Variants in SPCS3 observed in about 807,000 individuals in gnomAD.
SPCS3 encodes signal peptidase complex subunit 3, also known as SPase 22 kDa subunit.
Under a neutral mutation model 17.2 loss-of-function variants are expected in SPCS3, and 9 were observed. The ratio of observed to expected loss-of-function variants is 0.52; its 90% confidence interval spans 0.31 to 0.91. The LOEUF (loss-of-function observed/expected upper bound fraction) is 0.91, where lower values mean the gene tolerates loss of function less well. SPCS3 is among the 40% of genes least tolerant of loss of function. The pLI, the probability that SPCS3 is intolerant of heterozygous loss-of-function variation, is 0.04. For missense variants in SPCS3, 139 were observed against 217.5 expected (o/e 0.64, Z 2.27); for synonymous variants, 87 against 89.6 (o/e 0.97, Z 0.16).
In SPCS3 at chr4:176,331,848, CAA is replaced by C. The variant is rs1457833932; in HGVS notation, c.*3520_*3521del. The C allele has an allele frequency of 1.3e-5, 2 of 152,168 alleles. No individual in the cohort carries two copies. The highest frequency in any genetic ancestry group is 2.4e-5 in the African/African-American group (1 of 41,434). The allele number at this position is 152,168 out of a possible 1,614,324, so 9.4% of individuals were successfully genotyped here. A position where few individuals can be genotyped will look rare whatever the true frequency, so the allele number is the denominator to read the frequency against. On this transcript the variant is annotated 3_prime_UTR_variant, in exon 5 of 5. Transcript: ENST00000503362. ...AAGTGATCCACCTGCCTCGGCCTCCCAAAGTGTTAGGATAACAGGTGTGAGCC... is the reference window on the plus strand; with the variant it reads ...AAGTGATCCACCTGCCTCGGCCTCCCAGTGTTAGGATAACAGGTGTGAGCC...
Position 176,327,209 on chromosome 4 carries a change from T to G in SPCS3, c.342T>G (p.Asp114Glu), listed in dbSNP as rs557779319. 6.2e-7 allele frequency: 1 copy of G among 1,600,494 alleles called. No homozygotes were observed. The highest frequency in any genetic ancestry group is 8.5e-7 in the Non-Finnish European group (1 of 1,173,770). The change falls in exon 4 of 5, where the codon GAT (aspartate) becomes GAG (glutamate). Residue 114 changes from aspartate (D) to glutamate (E), a missense_variant. Transcript: ENST00000503362. ...VLWDKIVLRGDNPKLLLKDMK... is the reference protein window; with the variant it reads ...VLWDKIVLRGENPKLLLKDMK... ...GGGACAAGATTGTTTTGAGAGGTGA[T>G]AATCCGAAGCTGCTGCTGAAAGATA...
chr4:176,328,267 G>C lies in SPCS3; in HGVS notation c.480G>C (p.Val160=). 1 of 1,613,176 alleles carries C rather than the reference G, an allele frequency of 6.2e-7. No individual in the cohort carries two copies. Among genetic ancestry groups the C allele is most frequent in the East Asian group, 2.2e-5 (1 of 44,838 alleles). The change falls in exon 5 of 5, where the codon GTG becomes GTC. Residue 160 remains valine, a synonymous_variant. Transcript: ENST00000503362. ...VVPNAGILPL[V]TGSGHVSVPF... is the part of the protein sequence containing the mutation. ...CAAATGCTGGAATTCTACCTCTTGT[G>C]ACAGGATCAGGACACGTATCTGTCC...
chr4:176,327,064 A>G (rs999716565), intron 3 of SPCS3, 98 bp from the exon 4 acceptor site: 1 of 686,750 alleles, frequency 1.5e-6, no homozygotes, highest in Non-Finnish European at 2.4e-6. Context: ...AGTTGAATTC[A>G]TTAACATGTC....
Position 176,320,019 on chromosome 4 carries a change from C to G in SPCS3, c.-58C>G. 7.0e-7 allele frequency: 1 copy of G among 1,438,278 alleles called. No homozygotes were observed. Among genetic ancestry groups the G allele is most frequent in the Non-Finnish European group, 9.3e-7 (1 of 1,081,070 alleles). The allele number at this position is 1,438,278 out of a possible 1,614,324, so 89.1% of individuals were successfully genotyped here. On this transcript the variant is annotated 5_prime_UTR_variant, in exon 1 of 5. Transcript: ENST00000503362. ...CGCGGATCGCAGGGAGCCGGTCCGC[C>G]GCCGGAACGGGAGCCTGGGTGTGCG...
rs55821823 is a variant in SPCS3 at position 176,328,436 on chromosome 4, GTTTTTTTT to G, written c.*118_*125del. ...TTGTTGGTTTGTTTTTTGGTTTTGG[GTTTTTTTT>G]TTTTTTTTTTTGGTATAAGAACTAA... On this transcript the variant is annotated 3_prime_UTR_variant, in exon 5 of 5. Coordinates refer to ENST00000503362, the MANE Select transcript of SPCS3 (RefSeq NM_021928.4). The G allele has an allele frequency of 5.4e-3, 2,557 of 473,642 alleles. 1 individual carries two copies. Among genetic ancestry groups the G allele is most frequent in the Middle Eastern group, 0.015 (22 of 1,474 alleles). 29.3% of individuals were successfully genotyped at this position (473,642 alleles called of 1,614,324 possible).
chr4:176,327,777 G>A (rs1235362582), intron 4 of SPCS3, among the ~76,000 whole-genome samples: 1 of 152,116 alleles, frequency 6.6e-6, no homozygotes, highest in African/African-American at 2.4e-5. Flanking sequence ...AAGCTATTTC[G>A]ACCAAGCCAA....
chr4:176,328,436 G>GTTTTTT lies in SPCS3; in HGVS notation c.*120_*125dup, dbSNP rs55821823. 7 of 475,024 alleles carry GTTTTTT rather than the reference G, an allele frequency of 1.5e-5. 1 individual carries two copies. Among genetic ancestry groups the GTTTTTT allele is most frequent in the Non-Finnish European group, 1.5e-5 (5 of 331,526 alleles). 29.4% of individuals were successfully genotyped at this position (475,024 alleles called of 1,614,324 possible). ...TTGTTGGTTTGTTTTTTGGTTTTGG[G>GTTTTTT]TTTTTTTTTTTTTTTTTTTGGTATA... On this transcript the variant is annotated 3_prime_UTR_variant, in exon 5 of 5. Transcript: ENST00000503362.
Position 176,331,241 on chromosome 4 carries a change from C to T in SPCS3, c.*2911C>T, listed in dbSNP as rs1450320595. ...CATTTTTCACTATTTTTTTTTCTAT[C>T]TGAAGCTTAGAGATCTAGAGCTTTG... is the stretch of plus-strand genomic sequence containing the variant. On this transcript the variant is annotated 3_prime_UTR_variant, in exon 5 of 5. Transcript: ENST00000503362. 1.3e-5 allele frequency: 2 copies of T among 151,676 alleles called. No homozygotes were observed. The highest frequency in any genetic ancestry group is 2.9e-5 in the Non-Finnish European group (2 of 67,942). 9.4% of individuals were successfully genotyped at this position (151,676 alleles called of 1,614,324 possible). A position where few individuals can be genotyped will look rare whatever the true frequency, so the allele number is the denominator to read the frequency against.
rs114898129 is a variant in SPCS3 at position 176,324,348 on chromosome 4, G to C, written c.294+91G>C. Reference sequence around the variant, plus strand: ...ACATTTTTATATATTTAAAATATCTGACCTGAGTTACCTAGCAAAACATCA... The same window carrying C: ...ACATTTTTATATATTTAAAATATCTCACCTGAGTTACCTAGCAAAACATCA... On this transcript the variant is annotated intron_variant, in intron 3 of 4. Coordinates refer to ENST00000503362, the MANE Select transcript of SPCS3 (RefSeq NM_021928.4). 492 of 609,924 alleles carry C rather than the reference G, an allele frequency of 8.1e-4. 1 individual carries two copies. The African/African-American group carries it at 9.0e-3, about 11-fold the overall frequency. 37.8% of individuals were successfully genotyped at this position (609,924 alleles called of 1,614,324 possible).
rs2127003627 is a variant in SPCS3 at position 176,331,415 on chromosome 4, A to T, written c.*3085A>T. 6.6e-6 allele frequency: 1 copy of T among 152,274 alleles called. No homozygotes were observed. Among genetic ancestry groups the T allele is most frequent in the Middle Eastern group, 3.4e-3 (1 of 294 alleles). The allele number at this position is 152,274 out of a possible 1,614,324, so 9.4% of individuals were successfully genotyped here. On this transcript the variant is annotated 3_prime_UTR_variant, in exon 5 of 5. Transcript: ENST00000503362. Reference sequence around the variant, plus strand: ...AAAACTTTCCTTGCTTTTAGCAGAGAGAAGCCTGTATATGTTACATGTGTG... The same window carrying T: ...AAAACTTTCCTTGCTTTTAGCAGAGTGAAGCCTGTATATGTTACATGTGTG...
Position 176,325,628 on chromosome 4 carries a change from CAATT to C in SPCS3, c.294+1379_294+1382del, listed in dbSNP as rs1221567742. Among the ~76,000 whole-genome samples, 10 of 151,092 alleles carry C rather than the reference CAATT, an allele frequency of 6.6e-5. No individual in the cohort carries two copies. The East Asian group carries it at 1.8e-3, about 26-fold the overall frequency. On this transcript the variant is annotated intron_variant, in intron 3 of 4. Coordinates refer to ENST00000503362, the MANE Select transcript of SPCS3 (RefSeq NM_021928.4). Reference sequence around the variant, plus strand: ...TAGTCTACATTAAGCCATATAGCTACAATTAATTAATATCCTTACCTATTGAGAA... The same window carrying C: ...TAGTCTACATTAAGCCATATAGCTACAATTAATATCCTTACCTATTGAGAA...
intron 1 of SPCS3, chr4:176,321,617 CAAT>C (rs1731539900): frequency 6.6e-6 from 1 of 152,154 alleles, no homozygotes; most frequent in Admixed American, 6.5e-5. Context: ...AAGTTAAGCA[CAAT>C]AAGAGATTAA....
In SPCS3 at chr4:176,331,326, G is replaced by T. The variant is rs532598697; in HGVS notation, c.*2996G>T. The T allele has an allele frequency of 6.6e-6, 1 of 152,222 alleles. No homozygotes were observed. The highest frequency in any genetic ancestry group is 1.9e-4 in the East Asian group (1 of 5,182). The allele number at this position is 152,222 out of a possible 1,614,324, so 9.4% of individuals were successfully genotyped here. Reference sequence around the variant, plus strand: ...TTATAATACTTTGCATTGACATGAAGTGGGTTCATGGGGGAAAACCATGAG... The same window carrying T: ...TTATAATACTTTGCATTGACATGAATTGGGTTCATGGGGGAAAACCATGAG... On this transcript the variant is annotated 3_prime_UTR_variant, in exon 5 of 5. Coordinates refer to ENST00000503362, the MANE Select transcript of SPCS3 (RefSeq NM_021928.4).
At chr4:176,325,101 G>C (rs952877996) in intron 3 of SPCS3, among the ~76,000 whole-genome samples, 1 of 149,374 alleles carries the variant, frequency 6.7e-6, no homozygotes, top group Non-Finnish European at 1.5e-5. Flanking sequence ...GCCCGGGCTG[G>C]AGTACAGTAG....
rs770230048 is a variant in SPCS3, at chr4:176,323,523, G to T, written c.218-658G>T. On this transcript the variant is annotated intron_variant, in intron 2 of 4. Transcript: ENST00000503362. Reference sequence around the variant, plus strand: ...AGTGTGGAAACTCATATAGTAAAATGAGTTAACTTAACAATTAACATAATA... The same window carrying T: ...AGTGTGGAAACTCATATAGTAAAATTAGTTAACTTAACAATTAACATAATA... 4.1e-4 allele frequency among the ~76,000 whole-genome samples: 62 copies of T among 152,104 alleles called. 1 individual carries two copies. Among genetic ancestry groups the T allele is most frequent in the South Asian group, 8.3e-4 (4 of 4,834 alleles).
chr4:176,326,612 C>A lies in SPCS3; in HGVS notation c.295-550C>A, dbSNP rs531921337. Among the ~76,000 whole-genome samples, 48 of 152,186 alleles carry A rather than the reference C, an allele frequency of 3.2e-4. No homozygotes were observed. The South Asian group carries it at 7.1e-3, about 22-fold the overall frequency. The stretch of plus-strand genomic sequence containing the variant: ...AAAAGATCTTTAAAAGGCTTCATTT[C>A]TTTAGTGATTTCTTAAAGCTTTTGT... On this transcript the variant is annotated intron_variant, in intron 3 of 4. Coordinates refer to ENST00000503362, the MANE Select transcript of SPCS3 (RefSeq NM_021928.4).
In SPCS3 at chr4:176,330,178, G is replaced by A. The variant is rs1044048590; in HGVS notation, c.*1848G>A. On this transcript the variant is annotated 3_prime_UTR_variant, in exon 5 of 5. Coordinates refer to ENST00000503362, the MANE Select transcript of SPCS3 (RefSeq NM_021928.4). Reference sequence around the variant, plus strand: ...GTTAGTAATATGAAGACAGGAAAACGAATGAAAGTCTAACACATAACTCAT... The same window carrying A: ...GTTAGTAATATGAAGACAGGAAAACAAATGAAAGTCTAACACATAACTCAT... 7 of 152,134 alleles carry A rather than the reference G, an allele frequency of 4.6e-5. No individual in the cohort carries two copies. Among genetic ancestry groups the A allele is most frequent in the East Asian group, 1.9e-4 (1 of 5,202 alleles). The allele number at this position is 152,134 out of a possible 1,614,324, so 9.4% of individuals were successfully genotyped here.
rs55821823 is a variant in SPCS3 at position 176,328,436 on chromosome 4, G to GTTT, written c.*123_*125dup. The GTTT allele has an allele frequency of 8.5e-4, 405 of 474,596 alleles. 2 individuals carry two copies. Among genetic ancestry groups the GTTT allele is most frequent in the African/African-American group, 1.3e-3 (53 of 39,424 alleles). The allele number at this position is 474,596 out of a possible 1,614,324, so 29.4% of individuals were successfully genotyped here. A position where few individuals can be genotyped will look rare whatever the true frequency, so the allele number is the denominator to read the frequency against. On this transcript the variant is annotated 3_prime_UTR_variant, in exon 5 of 5. Transcript: ENST00000503362. Reference sequence around the variant, plus strand: ...TTGTTGGTTTGTTTTTTGGTTTTGGGTTTTTTTTTTTTTTTTTTTGGTATA... The same window carrying GTTT: ...TTGTTGGTTTGTTTTTTGGTTTTGGGTTTTTTTTTTTTTTTTTTTTTTGGTATA...
rs760135478 is a variant in SPCS3, at chr4:176,320,197, C to G, written c.121C>G (p.Leu41Val). 3.2e-6 allele frequency: 5 copies of G among 1,573,520 alleles called. No individual in the cohort carries two copies. The Admixed American group carries it at 7.2e-5, about 23-fold the overall frequency. ...CAAAGACAGGAGCGTCCCGGTGCGGCTGCACGTCTCGCGGATCATGCTGTG... is the reference window on the plus strand; with the variant it reads ...CAAAGACAGGAGCGTCCCGGTGCGGGTGCACGTCTCGCGGATCATGCTGTG... ...AFKDRSVPVR[L>V]HVSRIMLKNV... Residue 41 changes from leucine (L) to valine (V), a missense_variant, in exon 1 of 5, where the codon CTG becomes GTG. Coordinates refer to ENST00000503362, the MANE Select transcript of SPCS3 (RefSeq NM_021928.4).
Sources: gnomAD v4.1 joint callset for allele counts (sites outside exome capture counted in the v4.1 genomes callset) on GRCh38, gnomAD v4.1.1 for gene constraint, MANE v1.5 for transcripts, NCBI Gene and HGNC (gene_info 2026-07-23, HGNC 2026-07-21) for gene names.